Variants in ADGRB3 observed in about 807,000 individuals in gnomAD.
The protein encoded by ADGRB3 is brain-specific angiogenesis inhibitor 3.
Under a neutral mutation model 193.4 loss-of-function variants are expected in ADGRB3, and 37 were observed. That is an observed-to-expected ratio of 0.19 (90% CI 0.15 to 0.25). The LOEUF (loss-of-function observed/expected upper bound fraction) is 0.25, where lower values mean the gene tolerates loss of function less well. Among genes scored for constraint, ADGRB3 ranks in the 10% least tolerant of loss-of-function variants. The pLI, the probability that ADGRB3 is intolerant of heterozygous loss-of-function variation, is 1.00. For missense variants in ADGRB3, 1,637 were observed against 1,852.9 expected (o/e 0.88, Z 2.14); for synonymous variants, 690 against 644.2 (o/e 1.07, Z -1.08).
At chr6:69,016,253 A>G (rs890110342) in intron 12 of ADGRB3, among the ~76,000 whole-genome samples, 5 of 152,022 alleles carry the variant, frequency 3.3e-5, no homozygotes, top group Admixed American at 6.6e-5. Flanking sequence ...TTGGAGAAAT[A>G]TAATTAAAAA....
intron 10 of ADGRB3, among the ~76,000 whole-genome samples, chr6:68,979,564 C>T (rs1016394002): frequency 1.3e-5 from 2 of 151,392 alleles, no homozygotes; most frequent in Non-Finnish European, 1.5e-5. Flanking sequence ...AAGTGCTAAA[C>T]GTTGTGAGAT....
chr6:69,315,721 C>T (rs909851740), intron 20 of ADGRB3, among the ~76,000 whole-genome samples: 1 of 151,152 alleles, frequency 6.6e-6, no homozygotes, highest in Non-Finnish European at 1.5e-5. Flanking sequence ...ATATTTTATT[C>T]CATGTGAATA....
At chr6:68,658,590 C>T (rs1005300573) in intron 3 of ADGRB3, among the ~76,000 whole-genome samples, 5 of 151,266 alleles carry the variant, frequency 3.3e-5, no homozygotes, top group Non-Finnish European at 7.4e-5. Flanking sequence ...TTGATTTCGA[C>T]CTGCTATGAG....
chr6:69,305,188 G>A (rs1041367916), intron 20 of ADGRB3, among the ~76,000 whole-genome samples: 1 of 151,338 alleles, frequency 6.6e-6, no homozygotes, highest in African/African-American at 2.4e-5. Context: ...AAAACAAATA[G>A]GAATTTTATT....
intron 17 of ADGRB3, among the ~76,000 whole-genome samples, chr6:69,216,333 T>C (rs1026158922): frequency 3.3e-5 from 5 of 152,194 alleles, no homozygotes; most frequent in Non-Finnish European, 7.3e-5. Flanking sequence ...TACCTAAGAC[T>C]GATTTAGGAT....
At chr6:68,645,562 C>G (rs941006168) in intron 3 of ADGRB3, among the ~76,000 whole-genome samples, 1 of 152,122 alleles carries the variant, frequency 6.6e-6, no homozygotes. Context: ...AGTGACTGAG[C>G]TTGACTAATT....
intron 17 of ADGRB3, among the ~76,000 whole-genome samples, chr6:69,213,650 T>C (rs1298193330): frequency 6.6e-6 from 1 of 152,220 alleles, no homozygotes; most frequent in Non-Finnish European, 1.5e-5. Flanking sequence ...GATACACTCC[T>C]GGCTCCTTCC....
intron 3 of ADGRB3, among the ~76,000 whole-genome samples, chr6:68,736,200 A>C (rs1409811866): frequency 6.6e-6 from 1 of 151,458 alleles, no homozygotes; most frequent in Non-Finnish European, 1.5e-5. Flanking sequence ...AAAAAAATTT[A>C]TAGAGATAGG....
In ADGRB3 at chr6:69,180,501, A is replaced by G. The variant is rs559670977; in HGVS notation, c.2481-52789A>G. ...AGGGTGGGGCAGCTCAGGCTGCTTA[A>G]CCAGTTGAGTTAGTGCTCTGAATGC... On this transcript the variant is annotated intron_variant, in intron 17 of 31. Transcript: ENST00000370598. Among the ~76,000 whole-genome samples, 3 of 152,232 alleles carry G rather than the reference A, an allele frequency of 2.0e-5. No individual in the cohort carries two copies. In the East Asian group the frequency reaches 5.8e-4, roughly 29 times the overall value.
At chr6:69,182,089 G>A (rs1399787345) in intron 17 of ADGRB3, among the ~76,000 whole-genome samples, 1 of 152,036 alleles carries the variant, frequency 6.6e-6, no homozygotes, top group Non-Finnish European at 1.5e-5. Flanking sequence ...CATTTATTTG[G>A]CAACAAAGAC....
At chr6:69,227,745 T>C (rs1766049326) in intron 17 of ADGRB3, among the ~76,000 whole-genome samples, 1 of 152,184 alleles carries the variant, frequency 6.6e-6, no homozygotes, top group South Asian at 2.1e-4. Context: ...AGCCTCACTG[T>C]TGAATTGAAC....
chr6:69,034,450 A>G (rs1013913345), intron 13 of ADGRB3, among the ~76,000 whole-genome samples: 6 of 150,748 alleles, frequency 4.0e-5, no homozygotes, highest in Admixed American at 3.3e-4. Flanking sequence ...ATTTTGTAAT[A>G]TAATTTAGAC....
intron 28 of ADGRB3, 149 bp downstream of exon 28, chr6:69,356,009 G>T: frequency 6.4e-6 from 4 of 620,972 alleles, no homozygotes; most frequent in Non-Finnish European, 1.1e-5. Context: ...AATGCCAAAG[G>T]AGCTGAGAAA....
At chr6:68,723,430 G>A (rs532478241) in intron 3 of ADGRB3, among the ~76,000 whole-genome samples, 11 of 151,804 alleles carry the variant, frequency 7.2e-5, no homozygotes, top group South Asian at 2.1e-4. Context: ...GCGACAGTTC[G>A]ATAGGTTAGC....
At chr6:68,656,643 T>G (rs1222969315) in intron 3 of ADGRB3, among the ~76,000 whole-genome samples, 1 of 151,538 alleles carries the variant, frequency 6.6e-6, no homozygotes, top group Admixed American at 6.6e-5. Context: ...ATAGATTTGC[T>G]GGGTTTGACA....
chr6:68,772,892 AAAATATAT>A lies in ADGRB3; in HGVS notation c.757+133462_757+133469del, dbSNP rs1478068587. The stretch of plus-strand genomic sequence containing the variant: ...AAACAAACAAACAAACAAAAAAAAA[AAAATATAT>A]ATATATATATATATATATATATATA... On this transcript the variant is annotated intron_variant, in intron 3 of 31. Transcript: ENST00000370598. Among the ~76,000 whole-genome samples, 171 of 30,532 alleles carry A rather than the reference AAAATATAT, an allele frequency of 5.6e-3. 5 individuals are homozygous for A. Among genetic ancestry groups the A allele is most frequent in the Admixed American group, 0.015 (33 of 2,134 alleles). The allele number at this position is 30,532 out of a possible 152,430, so 20.0% of individuals were successfully genotyped here.
chr6:68,645,339 A>G lies in ADGRB3; in HGVS notation c.757+5907A>G, dbSNP rs535807892. On this transcript the variant is annotated intron_variant, in intron 3 of 31. Transcript: ENST00000370598. Reference sequence around the variant, plus strand: ...GTACAGGAGGATAGGAAATGACATCATGTATGAAAAAAATTAATAAAATTA... The same window carrying G: ...GTACAGGAGGATAGGAAATGACATCGTGTATGAAAAAAATTAATAAAATTA... 4.2e-4 allele frequency among the ~76,000 whole-genome samples: 64 copies of G among 152,256 alleles called. 2 individuals are homozygous for G. The South Asian group carries it at 6.0e-3, about 14-fold the overall frequency.
intron 17 of ADGRB3, among the ~76,000 whole-genome samples, chr6:69,135,416 A>G (rs1774123108): frequency 6.6e-6 from 1 of 151,996 alleles, no homozygotes. Context: ...AAGCTAATTT[A>G]ATGCCAAGAA....
chr6:69,280,846 C>CA (rs1189764592), intron 20 of ADGRB3, among the ~76,000 whole-genome samples: 16 of 150,916 alleles, frequency 1.1e-4, no homozygotes, highest in South Asian at 6.3e-4. Flanking sequence ...TCTGTAACTA[C>CA]AAAAAAATAT....
Sources: allele counts gnomAD v4.1 joint callset (sites outside exome capture counted in the v4.1 genomes callset), GRCh38; gene constraint gnomAD v4.1.1; transcripts MANE v1.5; gene names NCBI Gene and HGNC (gene_info 2026-07-23, HGNC 2026-07-21).